The following ZPBP variants were observed in gnomAD, a reference collection of about 807,000 sequenced individuals.
ZPBP encodes the protein zona pellucida-binding protein 1.
Under a neutral mutation model 44.8 loss-of-function variants are expected in ZPBP, and 26 were observed. The observed-to-expected ratio is 0.58, with a 90% CI of 0.43 to 0.81. ZPBP has a LOEUF of 0.81. Ranked by LOEUF, ZPBP falls within the 30% of genes least tolerant of loss-of-function variation. The pLI is 0.00. For synonymous variants in ZPBP, 174 were observed against 153.2 expected (o/e 1.14, Z -1.00); for missense variants, 409 against 434.0 (o/e 0.94, Z 0.51).
At chr7:49,981,682 TAA>T (rs1562820548) in intron 7 of ZPBP, among the ~76,000 whole-genome samples, 117 of 40,778 alleles carry the variant, frequency 2.9e-3, no homozygotes, top group African/African-American at 0.014. Flanking sequence ...ATATTATATA[TAA>T]TAATATATAT....
intron 2 of ZPBP, among the ~76,000 whole-genome samples, chr7:49,856,965 G>A (rs554904395): frequency 2.8e-4 from 36 of 128,702 alleles, no homozygotes; most frequent in Middle Eastern, 5.1e-3. Flanking sequence ...AGCTGAGATC[G>A]GGCCACTGCA....
intron 1 of ZPBP, among the ~76,000 whole-genome samples, chr7:49,927,121 A>G (rs907531586): frequency 1.3e-5 from 2 of 152,238 alleles, no homozygotes; most frequent in Non-Finnish European, 2.9e-5. Flanking sequence ...GTAGTCTTCA[A>G]TTAACTTTTA....
At chr7:49,989,642 C>T (rs536528535) in intron 6 of ZPBP, among the ~76,000 whole-genome samples, 2 of 152,278 alleles carry the variant, frequency 1.3e-5, no homozygotes, top group South Asian at 4.1e-4. Context: ...AATCTACATT[C>T]ATTAGTTGCT....
At chr7:49,980,529 C>T (rs1796803155) in intron 7 of ZPBP, among the ~76,000 whole-genome samples, 1 of 151,578 alleles carries the variant, frequency 6.6e-6, no homozygotes, top group Admixed American at 6.6e-5. Context: ...TGAGACTGGG[C>T]ATTCGGTGAG....
intron 7 of ZPBP, among the ~76,000 whole-genome samples, chr7:49,970,714 G>A (rs1796266484): frequency 4.0e-5 from 6 of 151,604 alleles, no homozygotes; most frequent in Admixed American, 3.9e-4. Flanking sequence ...CAAAGGGTCA[G>A]TATAGAAAAC....
chr7:50,070,176 G>A (rs1801763843), intron 3 of ZPBP, among the ~76,000 whole-genome samples: 1 of 152,094 alleles, frequency 6.6e-6, no homozygotes, highest in African/African-American at 2.4e-5. Flanking sequence ...CCCACTCCCA[G>A]TTCCTGTCTC....
chr7:49,900,033 C>T (rs1447539370), intron 2 of ZPBP, among the ~76,000 whole-genome samples: 1 of 151,690 alleles, frequency 6.6e-6, no homozygotes, highest in Non-Finnish European at 1.5e-5. Flanking sequence ...GGAAAGTCCC[C>T]AAATACTTGA....
chr7:49,847,614 G>C (rs1209103876), downstream of ZPBP, among the ~76,000 whole-genome samples: 2 of 152,180 alleles, frequency 1.3e-5, no homozygotes, highest in African/African-American at 4.8e-5. Flanking sequence ...TTCTATTGAG[G>C]AACACACAGG....
chr7:49,855,156 T>C (rs1790363102), intron 2 of ZPBP, among the ~76,000 whole-genome samples: 1 of 152,242 alleles, frequency 6.6e-6, no homozygotes, highest in African/African-American at 2.4e-5. Flanking sequence ...TTAGTCTTAA[T>C]AGTTAATGCA....
chr7:50,082,576 C>T (rs1562616335), intron 2 of ZPBP, among the ~76,000 whole-genome samples: 1 of 151,760 alleles, frequency 6.6e-6, no homozygotes, highest in East Asian at 1.9e-4. Context: ...TGCATGCCAA[C>T]TCTTCACTGA....
At chr7:49,947,104 G>A (rs1167419908) in intron 7 of ZPBP, among the ~76,000 whole-genome samples, 1 of 151,956 alleles carries the variant, frequency 6.6e-6, no homozygotes, top group Non-Finnish European at 1.5e-5. Context: ...CCTTCTCTGT[G>A]TTATCTTGAA....
rs542975516 is a variant in ZPBP, at chr7:50,029,868, G to A, written c.706+1224C>T. On this transcript the variant is annotated intron_variant, in intron 5 of 7. Coordinates refer to ENST00000046087, the MANE Select transcript of ZPBP (RefSeq NM_007009.3). ...TGCTGTTGTTGTTGTTGTTGTTGTT[G>A]TTCTTTTAACAGATTCTCACTCTGT... Among the ~76,000 whole-genome samples, 10 of 141,620 alleles carry A rather than the reference G, an allele frequency of 7.1e-5. No homozygotes were observed. In the South Asian group the frequency reaches 2.3e-3, roughly 32 times the overall value. 92.9% of individuals were successfully genotyped at this position (141,620 alleles called of 152,430 possible).
chr7:50,029,925 G>A (rs1799524217), intron 5 of ZPBP, among the ~76,000 whole-genome samples: 2 of 152,060 alleles, frequency 1.3e-5, no homozygotes, highest in Non-Finnish European at 2.9e-5. Flanking sequence ...GCACGATCTC[G>A]GCTCACTGAA....
At chr7:49,868,654 G>A (rs1791011231) in intron 2 of ZPBP, among the ~76,000 whole-genome samples, 1 of 152,180 alleles carries the variant, frequency 6.6e-6, no homozygotes, top group Non-Finnish European at 1.5e-5. Flanking sequence ...GTCTTGCTCT[G>A]TCACCTAGGC....
chr7:49,974,438 T>C (rs1037288070), intron 7 of ZPBP, among the ~76,000 whole-genome samples: 1 of 152,046 alleles, frequency 6.6e-6, no homozygotes, highest in African/African-American at 2.4e-5. Flanking sequence ...ATAATGAGGG[T>C]ATATTGCATG....
intron 6 of ZPBP, among the ~76,000 whole-genome samples, chr7:49,990,828 A>T (rs1797538461): frequency 6.6e-6 from 1 of 152,194 alleles, no homozygotes. Context: ...TATGTTCTAG[A>T]TTGGTCTAAC....
intron 1 of ZPBP, among the ~76,000 whole-genome samples, chr7:49,905,423 G>A (rs1404149912): frequency 6.6e-6 from 1 of 152,064 alleles, no homozygotes; most frequent in Non-Finnish European, 1.5e-5. Context: ...TAAACAAAAA[G>A]GAAGCAAATT....
At chr7:49,970,205 G>C (rs1330818488) in intron 7 of ZPBP, among the ~76,000 whole-genome samples, 1 of 152,036 alleles carries the variant, frequency 6.6e-6, no homozygotes, top group Non-Finnish European at 1.5e-5. Context: ...GATCTCAATA[G>C]ATGTACAGAA....
intron 3 of ZPBP, among the ~76,000 whole-genome samples, chr7:50,058,661 T>C (rs1801087563): frequency 6.6e-6 from 1 of 152,094 alleles, no homozygotes; most frequent in South Asian, 2.1e-4. Flanking sequence ...ATTTGGCTTA[T>C]AAATTTGAGG....
Sources: allele counts gnomAD v4.1 joint callset (sites outside exome capture counted in the v4.1 genomes callset), GRCh38; gene constraint gnomAD v4.1.1; transcripts MANE v1.5; gene names NCBI Gene and HGNC (gene_info 2026-07-23, HGNC 2026-07-21).